Variants in ITPKB observed in about 807,000 individuals in gnomAD.
ITPKB encodes the protein IP3 3-kinase B.
Under a neutral mutation model 69.4 loss-of-function variants are expected in ITPKB, and 13 were observed. The ratio of observed to expected loss-of-function variants is 0.19; its 90% CI spans 0.12 to 0.30. The LOEUF is 0.30. Ranked by LOEUF, ITPKB falls within the 10% of genes least tolerant of loss-of-function variation. The probability of loss-of-function intolerance (pLI) is 1.00; values close to 1 mark genes in which losing one functional copy is unlikely to be tolerated. For missense variants in ITPKB, 1,240 were observed against 1,250.5 expected (o/e 0.99, Z 0.13); for synonymous variants, 584 against 513.7 (o/e 1.14, Z -1.85).
At chr1:226,649,313 A>G (rs12405163) in intron 2 of ITPKB, among the ~76,000 whole-genome samples, 26,501 of 144,636 alleles carry the variant, frequency 0.18, 2,326 homozygotes, top group Middle Eastern at 0.33. Context: ...GTGTGTGTGC[A>G]TATGTGTGCA....
chr1:226,637,498 G>T lies in ITPKB; in HGVS notation c.2625+181C>A, dbSNP rs1021112062. On this transcript the variant is annotated intron_variant, in intron 7 of 7. Transcript: ENST00000429204. This position sits in a 1 kb window ranked among gnomAD's most constrained non-coding sequence, Gnocchi z 4.3. The stretch of plus-strand genomic sequence containing the variant: ...GGGTCTCAGGCAGGACAGCCCGTGT[G>T]GTCACCCCAGGAAGCATTGAGACGC... Among the ~76,000 whole-genome samples the T allele has an allele frequency of 2.0e-5, 3 of 152,230 alleles. No individual in the cohort carries two copies. Among genetic ancestry groups the T allele is most frequent in the Admixed American group, 6.5e-5 (1 of 15,286 alleles).
intron 2 of ITPKB, among the ~76,000 whole-genome samples, chr1:226,667,826 A>ATGTGTGTGTGTGTGTGTGTGTGTG (rs3841844): frequency 1.3e-5 from 2 of 148,384 alleles, no homozygotes; most frequent in Non-Finnish European, 3.0e-5. Flanking sequence ...GATGAGGAAA[A>ATGTGTGTGTGTGTGTGTGTGTGTG]TGTGTGTGTG....
intron 2 of ITPKB, among the ~76,000 whole-genome samples, chr1:226,682,017 A>G (rs760600640): frequency 6.6e-6 from 1 of 152,232 alleles, no homozygotes; most frequent in Non-Finnish European, 1.5e-5. Context: ...TCAGCCTCCT[A>G]AAGGATCCCC....
At chr1:226,686,445 A>G (rs1414814734) in intron 2 of ITPKB, among the ~76,000 whole-genome samples, 1 of 152,232 alleles carries the variant, frequency 6.6e-6, no homozygotes, top group East Asian at 1.9e-4. Flanking sequence ...TGTCAAGTCC[A>G]GAGTTTGACC....
chr1:226,698,669 G>A (rs1219049045), intron 2 of ITPKB, among the ~76,000 whole-genome samples: 1 of 152,250 alleles, frequency 6.6e-6, no homozygotes, highest in Non-Finnish European at 1.5e-5. Context: ...ACTAGGAAGA[G>A]GACAGGCATG....
intron 2 of ITPKB, among the ~76,000 whole-genome samples, chr1:226,685,007 T>A (rs1656174756): frequency 6.6e-6 from 1 of 152,020 alleles, no homozygotes; most frequent in Non-Finnish European, 1.5e-5. Flanking sequence ...TGGAATGGGG[T>A]CAGGAAAAAC....
In ITPKB at chr1:226,736,048, G is replaced by C. The variant is rs200314048; in HGVS notation, c.1411C>G (p.Pro471Ala). Residue 471 changes from proline (P) to alanine (A), a missense_variant, in exon 2 of 8, where the codon CCT (proline) becomes GCT (alanine). By Grantham distance (27) the Pro-to-Ala change is conservative. Around this residue, in one of 2 missense-constraint regions of ITPKB, gnomAD observed 992 missense variants for 853.8 expected, o/e 1.16. Transcript: ENST00000429204. ...PGTGNVEAGI[P>A]SGRMLEPLPC... ...AAAGGCTCCAGCATTCTGCCAGAAG[G>C]AATTCCCGCCTCCACATTCCCGGTC... 389 of 1,613,334 alleles carry C rather than the reference G, an allele frequency of 2.4e-4. No homozygotes were observed. The highest frequency in any genetic ancestry group is 3.2e-4 in the Non-Finnish European group (376 of 1,179,964).
intron 2 of ITPKB, among the ~76,000 whole-genome samples, chr1:226,667,123 G>T (rs1669517627): frequency 6.6e-6 from 1 of 152,136 alleles, no homozygotes; most frequent in Admixed American, 6.5e-5. Context: ...AAGGCTAATC[G>T]CTTCTCCCCT....
chr1:226,737,420 G>A lies in ITPKB; in HGVS notation c.39C>T (p.Ile13=). 6 of 1,611,482 alleles carry A rather than the reference G, an allele frequency of 3.7e-6. No homozygotes were observed. The highest frequency in any genetic ancestry group is 2.2e-5 in the East Asian group (1 of 44,836). The change falls in exon 2 of 8, where the codon ATC becomes ATT. Residue 13 remains isoleucine (I), a synonymous_variant. Coordinates refer to ENST00000429204, the MANE Select transcript of ITPKB (RefSeq NM_002221.4). ...TCTTCATCTCGTTGGCGCTATTCAT[G>A]ATCACCAGGCTATTGAGCGCATAGC... The part of the protein sequence containing the change: ...VYCYALNSLV[I]MNSANEMKSG...
chr1:226,695,723 G>A (rs546501042), intron 2 of ITPKB, among the ~76,000 whole-genome samples: 10 of 152,296 alleles, frequency 6.6e-5, no homozygotes, highest in African/African-American at 1.7e-4. Context: ...AGCAAGAGTC[G>A]GTGTGCAGCA....
intron 6 of ITPKB, among the ~76,000 whole-genome samples, chr1:226,638,399 C>G (rs998190291): frequency 6.6e-6 from 1 of 152,208 alleles, no homozygotes; most frequent in Non-Finnish European, 1.5e-5. Flanking sequence ...CAGTTCCAGC[C>G]GGTACTGAGT....
chr1:226,691,879 G>A (rs184689660), intron 2 of ITPKB, among the ~76,000 whole-genome samples: 7 of 152,218 alleles, frequency 4.6e-5, no homozygotes, highest in African/African-American at 1.7e-4. Flanking sequence ...TCTGTGTTGC[G>A]TGGGCCCTGA....
chr1:226,719,130 G>C (rs920550427), intron 2 of ITPKB, among the ~76,000 whole-genome samples: 1 of 152,130 alleles, frequency 6.6e-6, no homozygotes, highest in Non-Finnish European at 1.5e-5. Flanking sequence ...CACAAAAAAA[G>C]TAGCCAGTTG....
chr1:226,663,350 C>T (rs1332810388), intron 2 of ITPKB, among the ~76,000 whole-genome samples: 1 of 152,122 alleles, frequency 6.6e-6, no homozygotes, highest in Non-Finnish European at 1.5e-5. Flanking sequence ...AGGTTTGTGT[C>T]CCAATCGGGG....
intron 2 of ITPKB, among the ~76,000 whole-genome samples, chr1:226,672,971 T>G (rs764434106): frequency 6.6e-6 from 1 of 152,202 alleles, no homozygotes; most frequent in Non-Finnish European, 1.5e-5. Flanking sequence ...CCTGCCACAC[T>G]GTGAATGATG....
At chr1:226,640,667 T>C (rs1668943338) in intron 5 of ITPKB, among the ~76,000 whole-genome samples, 1 of 152,220 alleles carries the variant, frequency 6.6e-6, no homozygotes, top group East Asian at 1.9e-4. Flanking sequence ...AGTGGATTGT[T>C]TCTAATAAAG....
chr1:226,672,694 AG>A, intron 2 of ITPKB, among the ~76,000 whole-genome samples: 1 of 152,346 alleles, frequency 6.6e-6, no homozygotes, highest in Middle Eastern at 3.4e-3. Flanking sequence ...GCAACAGGGA[AG>A]TGGGAGGAAT....
At chr1:226,655,861 C>T (rs1162239575) in intron 2 of ITPKB, among the ~76,000 whole-genome samples, 1 of 152,216 alleles carries the variant, frequency 6.6e-6, no homozygotes, top group Non-Finnish European at 1.5e-5. Context: ...ACTTGTATGT[C>T]GTGAGGACTG....
At chr1:226,711,180 CA>C (rs913180262) in intron 2 of ITPKB, among the ~76,000 whole-genome samples, 68 of 151,538 alleles carry the variant, frequency 4.5e-4, no homozygotes, top group African/African-American at 1.4e-3. Flanking sequence ...ATAAATAGGA[CA>C]AAAAAAATGA....
Sources: allele counts gnomAD v4.1 joint callset (sites outside exome capture counted in the v4.1 genomes callset), GRCh38; gene constraint gnomAD v4.1.1; regional missense constraint gnomAD v4.1.1; non-coding constraint Gnocchi (gnomAD v3.1); transcripts MANE v1.5; gene names NCBI Gene and HGNC (gene_info 2026-07-23, HGNC 2026-07-21).